Variants in SYT9 observed in about 807,000 individuals in gnomAD.
The protein encoded by SYT9 is synaptotagmin 9.
Under a neutral mutation model 48.4 loss-of-function variants are expected in SYT9, and 22 were observed. That is an observed-to-expected ratio of 0.45 (90% confidence interval 0.32 to 0.65). The LOEUF (loss-of-function observed/expected upper bound fraction) is 0.65. Ranked by LOEUF, SYT9 falls within the 30% of genes least tolerant of loss-of-function variation. SYT9 has a pLI of 0.03. For missense variants in SYT9, 577 were observed against 622.0 expected (o/e 0.93, Z 0.77); for synonymous variants, 265 against 245.0 (o/e 1.08, Z -0.76).
intron 3 of SYT9, among the ~76,000 whole-genome samples, chr11:7,342,801 T>G (rs372190509): frequency 2.6e-4 from 40 of 152,344 alleles, no homozygotes; most frequent in African/African-American, 9.6e-4. Context: ...AGGTTCTCCA[T>G]GAGGGCCCTG....
intron 6 of SYT9, among the ~76,000 whole-genome samples, chr11:7,462,751 C>T (rs2134159849): frequency 6.6e-6 from 1 of 152,254 alleles, no homozygotes; most frequent in African/African-American, 2.4e-5. Flanking sequence ...AAGATTAAAT[C>T]ATGTAATAAG....
At chr11:7,326,467 T>C (rs1308301757) in intron 3 of SYT9, among the ~76,000 whole-genome samples, 1 of 143,186 alleles carries the variant, frequency 7.0e-6, no homozygotes, top group Non-Finnish European at 1.5e-5. Context: ...ATATCCCCTT[T>C]ATCATTTTTT....
At chr11:7,269,582 G>A (rs1465840626) in intron 1 of SYT9, among the ~76,000 whole-genome samples, 7 of 151,938 alleles carry the variant, frequency 4.6e-5, no homozygotes, top group African/African-American at 1.7e-4. Context: ...TCACATCATG[G>A]GCTAATATGG....
chr11:7,408,523 T>C (rs1847068918), intron 3 of SYT9, among the ~76,000 whole-genome samples: 1 of 152,236 alleles, frequency 6.6e-6, no homozygotes, highest in Non-Finnish European at 1.5e-5. Flanking sequence ...TTCATTAGTG[T>C]TTTGTAGTTT....
At chr11:7,279,733 G>A (rs1044689089) in intron 1 of SYT9, among the ~76,000 whole-genome samples, 2 of 152,176 alleles carry the variant, frequency 1.3e-5, no homozygotes, top group Non-Finnish European at 1.5e-5. Context: ...TTTGCTGTGA[G>A]GAAAGCTACC....
chr11:7,364,443 C>T lies in SYT9; in HGVS notation c.1044+50502C>T, dbSNP rs552389908. Among the ~76,000 whole-genome samples, 4 of 152,168 alleles carry T rather than the reference C, an allele frequency of 2.6e-5. No homozygotes were observed. In the South Asian group the frequency reaches 8.3e-4, roughly 32 times the overall value. On this transcript the variant is annotated intron_variant, in intron 3 of 6. Transcript: ENST00000318881. ...TTAGGGACATATTTCTAATGCCCAC[C>T]AAAAAATCCAATAATGTGATTATTT...
chr11:7,307,198 A>T (rs10500691), intron 2 of SYT9, among the ~76,000 whole-genome samples: 12,053 of 152,184 alleles, frequency 0.079, 844 homozygotes, highest in East Asian at 0.21. Flanking sequence ...TAACCATCAC[A>T]CTCTAAATTT....
intron 1 of SYT9, among the ~76,000 whole-genome samples, chr11:7,257,587 A>T (rs7938609): frequency 6.6e-6 from 1 of 151,944 alleles, no homozygotes; most frequent in Admixed American, 6.6e-5. Flanking sequence ...CCTTGATTCA[A>T]ATTTTTCTAA....
At chr11:7,267,121 A>T (rs2119818070) in intron 1 of SYT9, among the ~76,000 whole-genome samples, 1 of 152,194 alleles carries the variant, frequency 6.6e-6, no homozygotes, top group African/African-American at 2.4e-5. Flanking sequence ...AAGACTTAGA[A>T]GTCATAAACT....
chr11:7,302,878 A>G (rs1055023966), intron 1 of SYT9, among the ~76,000 whole-genome samples, 161 bp from the exon 2 acceptor site: 18 of 152,028 alleles, frequency 1.2e-4, no homozygotes, highest in African/African-American at 4.4e-4. Flanking sequence ...TCTCATTGTC[A>G]CCGTCCCAGA....
intron 1 of SYT9, among the ~76,000 whole-genome samples, chr11:7,254,004 C>G (rs1847919541): frequency 6.6e-6 from 1 of 152,204 alleles, no homozygotes; most frequent in South Asian, 2.1e-4. Flanking sequence ...TGAGGCCTAT[C>G]TCTGAATCAC....
intron 2 of SYT9, among the ~76,000 whole-genome samples, chr11:7,305,511 A>G (rs1032496215): frequency 6.6e-6 from 1 of 152,194 alleles, no homozygotes; most frequent in African/African-American, 2.4e-5. Flanking sequence ...GCACACACAC[A>G]TACACACTTT....
intron 3 of SYT9, among the ~76,000 whole-genome samples, chr11:7,328,725 A>G (rs1849478736): frequency 6.6e-6 from 1 of 152,100 alleles, no homozygotes; most frequent in Admixed American, 6.6e-5. Flanking sequence ...CTTTCCTTCT[A>G]GATTATTTTT....
At chr11:7,262,500 A>G (rs542985595) in intron 1 of SYT9, among the ~76,000 whole-genome samples, 10 of 152,128 alleles carry the variant, frequency 6.6e-5, no homozygotes, top group Non-Finnish European at 1.5e-4. Flanking sequence ...AAGTTCTGGA[A>G]CTGTCCAACG....
intron 3 of SYT9, among the ~76,000 whole-genome samples, chr11:7,413,263 C>CCTAAG (rs1303629862): frequency 6.6e-6 from 1 of 152,188 alleles, no homozygotes; most frequent in Non-Finnish European, 1.5e-5. Context: ...ACAAAAGTAT[C>CCTAAG]TGGCCTCATC....
In SYT9 at chr11:7,367,692, AAT is replaced by A. The variant is rs1383103081; in HGVS notation, c.1045-48349_1045-48348del. ...TTAGTAATTTTTAAGATCTCTTTGA[AAT>A]TAAAGGTGTCAGGTTTTGTTTGCTT... On this transcript the variant is annotated intron_variant, in intron 3 of 6. Coordinates refer to ENST00000318881, the MANE Select transcript of SYT9 (RefSeq NM_175733.4). 2.6e-4 allele frequency among the ~76,000 whole-genome samples: 39 copies of A among 152,140 alleles called. No homozygotes were observed. In the East Asian group the frequency reaches 7.5e-3, roughly 29 times the overall value.
At chr11:7,412,178 C>A (rs911243439) in intron 3 of SYT9, among the ~76,000 whole-genome samples, 3 of 152,140 alleles carry the variant, frequency 2.0e-5, no homozygotes, top group African/African-American at 7.2e-5. Context: ...CCCATGATTT[C>A]ATTGATTTTT....
intron 3 of SYT9, among the ~76,000 whole-genome samples, chr11:7,389,391 G>A (rs1850720242): frequency 6.6e-6 from 1 of 152,098 alleles, no homozygotes; most frequent in South Asian, 2.1e-4. Context: ...AAATATACAA[G>A]TAGTATTAAA....
At chr11:7,340,013 T>C (rs1046392906) in intron 3 of SYT9, among the ~76,000 whole-genome samples, 2 of 152,254 alleles carry the variant, frequency 1.3e-5, no homozygotes, top group Non-Finnish European at 2.9e-5. Context: ...AGATTTGGCC[T>C]GTTTACATAA....
Sources: allele counts gnomAD v4.1 joint callset (sites outside exome capture counted in the v4.1 genomes callset), GRCh38; gene constraint gnomAD v4.1.1; transcripts MANE v1.5; gene names NCBI Gene and HGNC (gene_info 2026-07-23, HGNC 2026-07-21).